TRIM17: variants seen among roughly 807,000 people sequenced by gnomAD.
The protein encoded by TRIM17 is tripartite motif containing 17, also known as E3 ubiquitin-protein ligase TRIM17.
TRIM17 carries 27 observed loss-of-function variants against 35.8 expected under a neutral mutation model. The ratio of observed to expected loss-of-function variants is 0.75; its 90% CI spans 0.56 to 1.04. The LOEUF (loss-of-function observed/expected upper bound fraction) is 1.04. Ranked by LOEUF, TRIM17 falls within the 50% of genes least tolerant of loss-of-function variation. TRIM17 has a pLI of 0.00. For synonymous variants in TRIM17, 246 were observed against 252.6 expected (o/e 0.97, Z 0.25); for missense variants, 582 against 612.8 (o/e 0.95, Z 0.53).
chr1:228,415,179 G>T, intron 1 of TRIM17, 66 bp from the exon 2 acceptor site: 1 of 1,324,682 alleles, frequency 7.5e-7, no homozygotes. Flanking sequence ...GTCCTGTACA[G>T]CCTCCCTTTA....
intron 2 of TRIM17, among the ~76,000 whole-genome samples, chr1:228,414,101 C>A (rs902293721): frequency 6.6e-6 from 1 of 152,192 alleles, no homozygotes; most frequent in African/African-American, 2.4e-5. Context: ...TTGCTGTGAC[C>A]CTCGGCCTTC....
Position 228,410,558 on chromosome 1 carries a change from T to A in TRIM17, c.756+388A>T, listed in dbSNP as rs1287788022. ...GGGGCTGACTTGTGTCCCCACTAAT[T>A]CACAGGTTGAAGCCTGAACCCTCAG... On this transcript the variant is annotated intron_variant, in intron 4 of 6. Transcript: ENST00000366698. This position sits in a 1 kb window ranked among gnomAD's most constrained non-coding sequence, Gnocchi z 4.6. Among the ~76,000 whole-genome samples, 1 of 152,098 alleles carries A rather than the reference T, an allele frequency of 6.6e-6. No homozygotes were observed. The highest frequency in any genetic ancestry group is 2.4e-5 in the African/African-American group (1 of 41,402).
chr1:228,416,385 A>C (rs1200975343), intron 1 of TRIM17, 154 bp downstream of exon 1: 1 of 985,624 alleles, frequency 1.0e-6, no homozygotes, highest in East Asian at 1.1e-4. Flanking sequence ...CGGTAGAGTT[A>C]CCTTGTTGAA....
rs1487854287 is a variant in TRIM17, at chr1:228,411,089, G to A, written c.613C>T (p.Gln205Ter). 2 of 1,613,976 alleles carry A rather than the reference G, an allele frequency of 1.2e-6. No individual in the cohort carries two copies. The highest frequency in any genetic ancestry group is 2.7e-5 in the African/African-American group (2 of 74,926). Residue 205 changes from glutamine (Q) to a stop codon, truncating the protein, a stop_gained, in exon 4 of 7, where the codon CAG becomes TAG. Coordinates refer to ENST00000366698, the MANE Select transcript of TRIM17 (RefSeq NM_016102.4). LOFTEE classifies it high-confidence loss of function. The surrounding 1 kb of genome is among the most constrained non-coding windows in gnomAD (Gnocchi z 4.2). The stretch of plus-strand genomic sequence containing the variant: ...TCCTCTTCTTCCGTCTCCAGAGCCT[G>A]GAGGAGCCTCTGCTCTTCTTCCACC... Reference protein sequence around the residue: ...YLVEEEQRLLQALETEEEETA... With the variant: ...YLVEEEQRLL
intron 2 of TRIM17, 140 bp downstream of exon 2, chr1:228,414,503 TC>T: frequency 1.4e-6 from 1 of 697,148 alleles, no homozygotes; most frequent in Non-Finnish European, 2.4e-6. Context: ...GGCCACCTTG[TC>T]CCCTGGATGC....
Position 228,411,242 on chromosome 1 carries a change from C to G in TRIM17, c.526-66G>C. ...CTCAGCTCCAGGGATGCTGGCACCT[C>G]TCCCCAGGGCCCTGGTGACCCACAA... On this transcript the variant is annotated intron_variant, in intron 3 of 6. Transcript: ENST00000366698. This position sits in a 1 kb window ranked among gnomAD's most constrained non-coding sequence, Gnocchi z 4.2. 7.4e-7 allele frequency: 1 copy of G among 1,357,620 alleles called. No individual in the cohort carries two copies. The highest frequency in any genetic ancestry group is 2.4e-5 in the East Asian group (1 of 42,404). 84.1% of individuals were successfully genotyped at this position (1,357,620 alleles called of 1,614,324 possible). A position where few individuals can be genotyped will look rare whatever the true frequency, so the allele number is the denominator to read the frequency against.
At position 228,408,286 on chromosome 1, in the gene TRIM17, C is replaced by T; in HGVS notation, c.1349G>A (p.Gly450Asp). Residue 450 changes from glycine to aspartate, a missense_variant, in exon 7 of 7, where the codon GGC becomes GAC. Transcript: ENST00000366698. The surrounding 1 kb of genome is among the most constrained non-coding windows in gnomAD (Gnocchi z 6.3). ...CAGGCAGAAGAAAGGCTGCAGGGGG[C>T]CTGGGAAGGTGGCCTGGGAGTAGGT... is the stretch of plus-strand genomic sequence containing the variant. ...LHTYSQATFPGPLQPFFCLGA... is the reference protein window; with the variant it reads ...LHTYSQATFPDPLQPFFCLGA... The T allele has an allele frequency of 2.5e-6, 4 of 1,602,394 alleles. No homozygotes were observed. The highest frequency in any genetic ancestry group is 3.4e-6 in the Non-Finnish European group (4 of 1,172,784).
At chr1:228,409,334 T>TAC in intron 5 of TRIM17, 55 bp downstream of exon 5, 3 of 1,593,638 alleles carry the variant, frequency 1.9e-6, no homozygotes, top group Non-Finnish European at 2.6e-6. Flanking sequence ...AGTCTTATTG[T>TAC]CCCCCCCGCC....
Position 228,411,847 on chromosome 1 carries a change from G to C in TRIM17, c.526-671C>G, listed in dbSNP as rs188769786. On this transcript the variant is annotated intron_variant, in intron 3 of 6. Coordinates refer to ENST00000366698, the MANE Select transcript of TRIM17 (RefSeq NM_016102.4). The surrounding 1 kb of genome is among the most constrained non-coding windows in gnomAD (Gnocchi z 4.2). The stretch of plus-strand genomic sequence containing the variant: ...AGGGTCTTGCTATGTTGCCCAGGCT[G>C]GGGTTCAGTGGCATGATCATGGTTC... Among the ~76,000 whole-genome samples, 120 of 152,308 alleles carry C rather than the reference G, an allele frequency of 7.9e-4. 1 individual carries two copies. The East Asian group carries it at 0.011, about 13-fold the overall frequency.
intron 2 of TRIM17, among the ~76,000 whole-genome samples, chr1:228,414,202 A>G (rs1397406960): frequency 6.6e-6 from 1 of 152,222 alleles, no homozygotes; most frequent in Non-Finnish European, 1.5e-5. Flanking sequence ...GAAAGCCGAA[A>G]CCAGAGAAAT....
rs151306399 is a variant in TRIM17, at chr1:228,408,498, C to T, written c.1137G>A (p.Arg379=). The change falls in exon 7 of 7, where the codon AGG becomes AGA. Residue 379 remains arginine (R), a synonymous_variant. Coordinates refer to ENST00000366698, the MANE Select transcript of TRIM17 (RefSeq NM_016102.4). The surrounding 1 kb of genome is among the most constrained non-coding windows in gnomAD (Gnocchi z 6.3). ...AGCCGTTTTCGGGGCACTTGGGGAC[C>T]CTGTCTTTCCGGCTCACGTTGTCCC... ...VCRDNVSRKD[R]VPKCPENGFW... is the part of the protein sequence containing the mutation. The T allele has an allele frequency of 7.4e-4, 1,197 of 1,614,102 alleles. 3 individuals carry two copies. Among genetic ancestry groups the T allele is most frequent in the Non-Finnish European group, 9.4e-4 (1,109 of 1,180,008 alleles).
At position 228,409,382 on chromosome 1, in the gene TRIM17, C is replaced by A; in HGVS notation, c.779+7G>T. ...TGCCCCCGCCCCTGCCTGAGGGGAC[C>A]ACATACCTGCTCAGGGGTTCCTTCA... On this transcript the variant is annotated splice_region_variant and intron_variant, in intron 5 of 6. Coordinates refer to ENST00000366698, the MANE Select transcript of TRIM17 (RefSeq NM_016102.4). 1 of 1,574,866 alleles carries A rather than the reference C, an allele frequency of 6.3e-7. No homozygotes were observed. Among genetic ancestry groups the A allele is most frequent in the Non-Finnish European group, 8.6e-7 (1 of 1,162,388 alleles).
In TRIM17 at chr1:228,414,884, G is replaced by A. The variant is rs202177000; in HGVS notation, c.189C>T (p.Pro63=). ...TCTGCGGGGACATCTCTCTGCACTC[G>A]GGGCAGGGGAAGGAGCCCTTCCGCT... is the stretch of plus-strand genomic sequence containing the variant. The part of the protein sequence containing the change: ...RRKRKGSFPC[P]ECREMSPQRN... The change falls in exon 2 of 7, where the codon CCC becomes CCT. Residue 63 remains proline (P), a synonymous_variant. Coordinates refer to ENST00000366698, the MANE Select transcript of TRIM17 (RefSeq NM_016102.4). 25 of 1,613,512 alleles carry A rather than the reference G, an allele frequency of 1.5e-5. No homozygotes were observed. The African/African-American group carries it at 2.0e-4, about 13-fold the overall frequency.
In TRIM17 at chr1:228,408,441, C is replaced by T. The variant is rs751728363; in HGVS notation, c.1194G>A (p.Lys398=). 15 of 1,614,204 alleles carry T rather than the reference C, an allele frequency of 9.3e-6. No homozygotes were observed. In the East Asian group the frequency reaches 3.1e-4, roughly 34 times the overall value. Residue 398 remains lysine, a synonymous_variant, in exon 7 of 7, where the codon AAG becomes AAA. Transcript: ENST00000366698. This position sits in a 1 kb window ranked among gnomAD's most constrained non-coding sequence, Gnocchi z 6.3. Reference sequence around the variant, plus strand: ...TTAGGGCAGAGAAGGTGGATAAGTACTTGGTCCCCTTGGACAGCTGCACCA... The same window carrying T: ...TTAGGGCAGAGAAGGTGGATAAGTATTTGGTCCCCTTGGACAGCTGCACCA... ...FWVVQLSKGT[K]YLSTFSALTP... is the part of the protein sequence containing the mutation.
chr1:228,416,774 G>C lies in TRIM17; in HGVS notation c.-277C>G, dbSNP rs1374397169. 4.1e-5 allele frequency: 40 copies of C among 984,398 alleles called. No homozygotes were observed. Among genetic ancestry groups the C allele is most frequent in the African/African-American group, 5.3e-5 (3 of 56,952 alleles). The allele number at this position is 984,398 out of a possible 1,614,324, so 61.0% of individuals were successfully genotyped here. A position where few individuals can be genotyped will look rare whatever the true frequency, so the allele number is the denominator to read the frequency against. ...GCCGGGACTGGGGCGGCGCCTCTTAGGAGAGGTTGGGGGTGGCTTGGGGAA... is the reference window on the plus strand; with the variant it reads ...GCCGGGACTGGGGCGGCGCCTCTTACGAGAGGTTGGGGGTGGCTTGGGGAA... On this transcript the variant is annotated 5_prime_UTR_variant, in exon 1 of 7. Coordinates refer to ENST00000366698, the MANE Select transcript of TRIM17 (RefSeq NM_016102.4).
intron 2 of TRIM17, 40 bp from the exon 3 acceptor site, chr1:228,413,932 C>G: frequency 1.3e-6 from 2 of 1,546,870 alleles, no homozygotes; most frequent in South Asian, 1.1e-5. Flanking sequence ...GATCAGCGAT[C>G]CCCCTACCTC....
intron 2 of TRIM17, 89 bp downstream of exon 2, chr1:228,414,555 C>T (rs1325960476): frequency 6.7e-6 from 8 of 1,199,714 alleles, no homozygotes; most frequent in Admixed American, 1.9e-5. Flanking sequence ...TGTCCCTGGA[C>T]ACCTCCTCCC....
At chr1:228,409,358 G>A in intron 5 of TRIM17, 31 bp downstream of exon 5, 2 of 1,585,570 alleles carry the variant, frequency 1.3e-6, no homozygotes, top group African/African-American at 1.4e-5. Flanking sequence ...CGCTGCCACT[G>A]CCCCCGCCCC....
Position 228,408,821 on chromosome 1 carries a change from C to T in TRIM17, c.884-70G>A, listed in dbSNP as rs1245778320. On this transcript the variant is annotated intron_variant, in intron 6 of 6. Transcript: ENST00000366698. This position sits in a 1 kb window ranked among gnomAD's most constrained non-coding sequence, Gnocchi z 6.3. Reference sequence around the variant, plus strand: ...CATTCAGGGTCAAAGGTGGGAGTCCCCGGGCCCTAGTGGTGGATGTGGCCA... The same window carrying T: ...CATTCAGGGTCAAAGGTGGGAGTCCTCGGGCCCTAGTGGTGGATGTGGCCA... 63 of 1,544,252 alleles carry T rather than the reference C, an allele frequency of 4.1e-5. No homozygotes were observed. Among genetic ancestry groups the T allele is most frequent in the Non-Finnish European group, 2.5e-5 (29 of 1,151,134 alleles).
Sources: gnomAD v4.1 joint callset for allele counts (sites outside exome capture counted in the v4.1 genomes callset) on GRCh38, gnomAD v4.1.1 for gene constraint, Gnocchi (gnomAD v3.1) non-coding constraint, MANE v1.5 for transcripts, NCBI Gene and HGNC (gene_info 2026-07-23, HGNC 2026-07-21) for gene names.